TENM3: variants seen among roughly 807,000 people sequenced by gnomAD.
TENM3 encodes teneurin-3.
In TENM3, 63 loss-of-function variants were observed where a neutral mutation model predicts 255.1. That is an observed-to-expected ratio of 0.25 (90% CI 0.20 to 0.30). The LOEUF is 0.30. Among genes scored for constraint, TENM3 ranks in the 10% least tolerant of loss-of-function variants. The pLI, the probability that TENM3 is intolerant of heterozygous loss-of-function variation, is 1.00. For missense variants in TENM3, 2,929 were observed against 3,461.1 expected (o/e 0.85, Z 3.86); for synonymous variants, 1,306 against 1,322.3 (o/e 0.99, Z 0.27).
At chr4:181,927,189 G>A in the TENM3 span, among the ~76,000 whole-genome samples, 2 of 152,162 alleles carry the variant, frequency 1.3e-5, no homozygotes, top group African/African-American at 2.4e-5. Flanking sequence ...AAAAGGGACC[G>A]AGTCCAGGGA....
intron 1 of TENM3, among the ~76,000 whole-genome samples, chr4:182,277,227 G>A (rs1760062324): frequency 6.6e-6 from 1 of 152,274 alleles, no homozygotes; most frequent in African/African-American, 2.4e-5. Flanking sequence ...TTTATGTTGA[G>A]TATGCAGTGC....
chr4:181,553,335 T>C, the TENM3 span, among the ~76,000 whole-genome samples: 18,175 of 140,890 alleles, frequency 0.13, 1,358 homozygotes, highest in African/African-American at 0.2. Context: ...TATATATATA[T>C]ACACACACAC....
chr4:181,613,145 G>A, the TENM3 span, among the ~76,000 whole-genome samples: 1 of 152,296 alleles, frequency 6.6e-6, no homozygotes, highest in South Asian at 2.1e-4. Flanking sequence ...GTTTCCCTAG[G>A]ACAGGTCTAA....
At chr4:182,527,663 A>G (rs1203087962) in intron 3 of TENM3, among the ~76,000 whole-genome samples, 5 of 152,118 alleles carry the variant, frequency 3.3e-5, no homozygotes, top group East Asian at 1.9e-4. Flanking sequence ...CTTTCTAAAC[A>G]TTGATTTTCT....
chr4:181,563,334 T>C, the TENM3 span, among the ~76,000 whole-genome samples: 1 of 152,176 alleles, frequency 6.6e-6, no homozygotes, highest in Admixed American at 6.5e-5. Flanking sequence ...CTGTACTAGG[T>C]TTTCTCACTA....
chr4:181,605,670 AT>A, the TENM3 span, among the ~76,000 whole-genome samples: 1 of 152,226 alleles, frequency 6.6e-6, no homozygotes, highest in Admixed American at 6.5e-5. Flanking sequence ...AAATCAACTC[AT>A]ATTCTTAAGC....
chr4:182,359,655 T>C (rs4862040), intron 3 of TENM3, among the ~76,000 whole-genome samples: 86,836 of 128,072 alleles, frequency 0.68, 31,349 homozygotes, highest in East Asian at 0.95. Flanking sequence ...TTTTGTTGAT[T>C]GTTTCAAAAA....
the TENM3 span, among the ~76,000 whole-genome samples, chr4:181,599,350 G>T: frequency 7.2e-5 from 11 of 152,266 alleles, no homozygotes; most frequent in African/African-American, 2.4e-4. Context: ...ATTAAAAAAC[G>T]GAACAAAAGC....
At chr4:182,118,254 C>T in the TENM3 span, among the ~76,000 whole-genome samples, 3 of 151,806 alleles carry the variant, frequency 2.0e-5, no homozygotes, top group East Asian at 3.9e-4. Context: ...TTCTTCATTC[C>T]CAATCCATAT....
the TENM3 span, among the ~76,000 whole-genome samples, chr4:181,844,541 G>C: frequency 6.6e-6 from 1 of 151,780 alleles, no homozygotes; most frequent in African/African-American, 2.4e-5. Context: ...GGTGGCGGGC[G>C]CCTGTAGTCC....
intron 3 of TENM3, among the ~76,000 whole-genome samples, chr4:182,435,062 A>T (rs1771946201): frequency 6.6e-6 from 1 of 152,228 alleles, no homozygotes; most frequent in Admixed American, 6.5e-5. Context: ...TCCCAAGAAG[A>T]ATCTGATGCA....
At chr4:182,648,142 C>T (rs1482832414) in intron 5 of TENM3, among the ~76,000 whole-genome samples, 3 of 152,118 alleles carry the variant, frequency 2.0e-5, no homozygotes, top group Non-Finnish European at 4.4e-5. Context: ...GAGCACAGAC[C>T]ATCACAGTTG....
chr4:182,242,476 G>C (rs868215159), upstream of TENM3, among the ~76,000 whole-genome samples: 4 of 152,012 alleles, frequency 2.6e-5, no homozygotes, highest in Non-Finnish European at 4.4e-5. Flanking sequence ...AAAACTTCTT[G>C]GTGGCCCAGC....
chr4:182,206,022 C>T lies in TENM3; in HGVS notation c.-76+61268C>T, dbSNP rs144325904. Among the ~76,000 whole-genome samples, 12 of 150,180 alleles carry T rather than the reference C, an allele frequency of 8.0e-5. No homozygotes were observed. The East Asian group carries it at 9.8e-4, about 12-fold the overall frequency. On this transcript the variant is annotated intron_variant, in intron 1 of 2. Transcript: ENST00000512480. ...CGTGAAAGCAACTCACTAATTTACA[C>T]GATCCACCGAAAGAAGAAATCTGTA...
At chr4:182,717,135 C>T (rs1759260235) in intron 13 of TENM3, among the ~76,000 whole-genome samples, 1 of 152,126 alleles carries the variant, frequency 6.6e-6, no homozygotes, top group Non-Finnish European at 1.5e-5. Flanking sequence ...GGCCAAGCAT[C>T]TTCCTTCCCC....
the TENM3 span, among the ~76,000 whole-genome samples, chr4:181,710,838 C>T: frequency 4.7e-5 from 7 of 149,128 alleles, no homozygotes; most frequent in South Asian, 6.5e-4. Flanking sequence ...CATGAGCCAC[C>T]GCGCCCGGCC....
At chr4:181,785,815 T>TACAC in the TENM3 span, among the ~76,000 whole-genome samples, 12,794 of 149,178 alleles carry the variant, frequency 0.086, 559 homozygotes, top group Middle Eastern at 0.11. Flanking sequence ...CACACACACA[T>TACAC]ACACACACAC....
the TENM3 span, among the ~76,000 whole-genome samples, chr4:181,852,922 T>C: frequency 6.6e-6 from 1 of 152,304 alleles, no homozygotes; most frequent in South Asian, 2.1e-4. Context: ...TTACAAATGG[T>C]TAAAGTGATA....
At chr4:181,916,448 A>G in the TENM3 span, among the ~76,000 whole-genome samples, 1 of 152,196 alleles carries the variant, frequency 6.6e-6, no homozygotes, top group Non-Finnish European at 1.5e-5. Flanking sequence ...GCTCAAGCCT[A>G]TGAATGATTG....
Sources: gnomAD v4.1 joint callset for allele counts (sites outside exome capture counted in the v4.1 genomes callset) on GRCh38, gnomAD v4.1.1 for gene constraint, MANE v1.5 for transcripts, NCBI Gene and HGNC (gene_info 2026-07-23, HGNC 2026-07-21) for gene names.